Variants in DPH6 observed in about 807,000 individuals in gnomAD.
The protein encoded by DPH6 is diphthamine biosynthesis 6.
Under a neutral mutation model 38.2 loss-of-function variants are expected in DPH6, and 33 were observed. That is an observed-to-expected ratio of 0.86 (90% CI 0.65 to 1.15). The LOEUF (loss-of-function observed/expected upper bound fraction) is 1.15. Ranked by LOEUF, DPH6 falls within the 50% of genes most tolerant of loss-of-function variation. The pLI, the probability that DPH6 is intolerant of heterozygous loss-of-function variation, is 0.00. For synonymous variants in DPH6, 108 were observed against 103.0 expected, an observed-to-expected ratio of 1.05 and a Z score of -0.30; for missense variants, 325 against 320.0, an observed-to-expected ratio of 1.02 and a Z score of -0.12.
the DPH6 span, among the ~76,000 whole-genome samples, chr15:35,148,474 C>A: frequency 3.5e-4 from 53 of 152,070 alleles, no homozygotes; most frequent in African/African-American, 1.3e-3. Context: ...TCTAATAATC[C>A]GGTATAATTA....
intron 5 of DPH6, among the ~76,000 whole-genome samples, chr15:35,441,416 T>C (rs1198931692): frequency 6.6e-6 from 1 of 152,178 alleles, no homozygotes; most frequent in Non-Finnish European, 1.5e-5. Flanking sequence ...AATCCTAATG[T>C]CCATCAAAGA....
At chr15:35,291,476 T>G (rs1413013005) in intron 3 of DPH6, among the ~76,000 whole-genome samples, 1 of 152,172 alleles carries the variant, frequency 6.6e-6, no homozygotes, top group African/African-American at 2.4e-5. Context: ...TTTTATGTTA[T>G]GACAAAACTC....
At chr15:35,368,883 A>AG (rs57794216), downstream of DPH6, among the ~76,000 whole-genome samples, 55,098 of 151,678 alleles carry the variant, frequency 0.36, 11,880 homozygotes, top group African/African-American at 0.61. Context: ...AGATGTTAGT[A>AG]AAAGACTAGA....
At chr15:35,197,667 A>G in the DPH6 span, among the ~76,000 whole-genome samples, 1 of 152,192 alleles carries the variant, frequency 6.6e-6, no homozygotes, top group Non-Finnish European at 1.5e-5. Flanking sequence ...AGTTTTTTGA[A>G]TTAAGTCACA....
chr15:35,209,525 T>A, the DPH6 span, among the ~76,000 whole-genome samples: 1 of 152,204 alleles, frequency 6.6e-6, no homozygotes, highest in Admixed American at 6.5e-5. Context: ...TTTTTAAATG[T>A]TCTTGGAGAA....
chr15:35,534,108 T>C (rs2055130516), intron 3 of DPH6, among the ~76,000 whole-genome samples: 1 of 151,538 alleles, frequency 6.6e-6, no homozygotes, highest in Non-Finnish European at 1.5e-5. Flanking sequence ...CCAGGAGCGG[T>C]GGCTCATGCC....
intron 3 of DPH6, among the ~76,000 whole-genome samples, chr15:35,347,716 T>C (rs561317473): frequency 9.9e-5 from 15 of 151,114 alleles, no homozygotes; most frequent in South Asian, 8.5e-4. Flanking sequence ...TTTTCCATAT[T>C]GGCTGTATTC....
chr15:35,225,007 G>A (rs1279069382), intron 3 of DPH6, among the ~76,000 whole-genome samples: 1 of 152,142 alleles, frequency 6.6e-6, no homozygotes, highest in Non-Finnish European at 1.5e-5. Context: ...TTCTATTAAT[G>A]TCTCCCTTTT....
intron 3 of DPH6, among the ~76,000 whole-genome samples, chr15:35,535,465 C>T (rs140452513): frequency 1.5e-3 from 229 of 152,182 alleles, no homozygotes; most frequent in African/African-American, 5.3e-3. Flanking sequence ...AAAAGGAAGA[C>T]ATCAGATCCA....
rs2053874717 is a variant in DPH6 at position 35,447,767 on chromosome 15, C to T, written c.505+2918G>A. 2.6e-5 allele frequency among the ~76,000 whole-genome samples: 4 copies of T among 151,972 alleles called. No individual in the cohort carries two copies. In the South Asian group the frequency reaches 8.3e-4, roughly 32 times the overall value. Reference sequence around the variant, plus strand: ...TTCCTTTGGTATGTGCAACTTTAAACTCGAGCCTAGGACCATTGGATCAGG... The same window carrying T: ...TTCCTTTGGTATGTGCAACTTTAAATTCGAGCCTAGGACCATTGGATCAGG... On this transcript the variant is annotated intron_variant, in intron 5 of 8. Transcript: ENST00000256538.
chr15:35,438,477 AT>A (rs1490947237), intron 5 of DPH6, among the ~76,000 whole-genome samples: 1 of 152,162 alleles, frequency 6.6e-6, no homozygotes, highest in Non-Finnish European at 1.5e-5. Context: ...CTTTCTCAAA[AT>A]TTGTTTTTGT....
At chr15:35,255,706 G>A (rs2051703373) in intron 3 of DPH6, among the ~76,000 whole-genome samples, 1 of 152,150 alleles carries the variant, frequency 6.6e-6, no homozygotes, top group African/African-American at 2.4e-5. Context: ...TTTAGTAAAG[G>A]TCGTCTTGAA....
intron 3 of DPH6, among the ~76,000 whole-genome samples, chr15:35,495,148 C>T (rs1566930647): frequency 6.6e-6 from 1 of 152,126 alleles, no homozygotes; most frequent in South Asian, 2.1e-4. Context: ...AAGTTCTAAA[C>T]TCCAGTACCT....
At chr15:35,401,796 G>A in intron 6 of DPH6, 1 of 613,768 alleles carries the variant, frequency 1.6e-6, no homozygotes, top group East Asian at 3.4e-5. Flanking sequence ...AGCTTAACAG[G>A]AGAGGAGAGC....
At chr15:35,330,421 T>C (rs914541920), downstream of DPH6, among the ~76,000 whole-genome samples, 2 of 152,150 alleles carry the variant, frequency 1.3e-5, no homozygotes, top group Admixed American at 1.3e-4. Context: ...TGTCAATATC[T>C]TGTAAGAGGG....
At chr15:35,149,626 C>T in the DPH6 span, among the ~76,000 whole-genome samples, 1 of 152,246 alleles carries the variant, frequency 6.6e-6, no homozygotes, top group Non-Finnish European at 1.5e-5. Flanking sequence ...CCTCAACCCA[C>T]AGTCACTTCT....
chr15:35,361,385 G>C (rs2052612737), intron 3 of DPH6, among the ~76,000 whole-genome samples: 1 of 152,150 alleles, frequency 6.6e-6, no homozygotes, highest in South Asian at 2.1e-4. Flanking sequence ...TCAACAGTTT[G>C]ATTGTAATGT....
chr15:35,313,073 CA>C (rs569298610), intron 3 of DPH6, among the ~76,000 whole-genome samples: 19 of 147,782 alleles, frequency 1.3e-4, no homozygotes, highest in Admixed American at 3.4e-4. Flanking sequence ...ACTAAAAATA[CA>C]AAAAAAAAAT....
At chr15:35,523,594 G>T (rs879609076) in intron 3 of DPH6, among the ~76,000 whole-genome samples, 8 of 151,982 alleles carry the variant, frequency 5.3e-5, no homozygotes, top group Admixed American at 3.3e-4. Flanking sequence ...TTCCATAAAT[G>T]GAAAAACTTA....
Sources: allele counts gnomAD v4.1 joint callset (sites outside exome capture counted in the v4.1 genomes callset), GRCh38; gene constraint gnomAD v4.1.1; transcripts MANE v1.5; gene names NCBI Gene and HGNC (gene_info 2026-07-23, HGNC 2026-07-21).